Variants in NCAM1 observed in about 807,000 individuals in gnomAD.
NCAM1 encodes the protein neural cell adhesion molecule 1, also known as antigen recognized by monoclonal antibody 5.1H11.
A neutral mutation model predicts 109.8 loss-of-function variants in NCAM1; 14 were observed. The ratio of observed to expected loss-of-function variants is 0.13; its 90% CI spans 0.08 to 0.20. The LOEUF (loss-of-function observed/expected upper bound fraction) is 0.20. Ranked by LOEUF, NCAM1 falls within the 10% of genes least tolerant of loss-of-function variation. The pLI is 1.00. For missense variants in NCAM1, 774 were observed against 1,109.9 expected, an observed-to-expected ratio of 0.70 and a Z score of 4.30; for synonymous variants, 418 against 442.9, an observed-to-expected ratio of 0.94 and a Z score of 0.70.
rs151149712 is a variant in NCAM1 at position 113,149,194 on chromosome 11, G to C, written c.53-53185G>C. ...GGACCCGGGGTGGGGCCTGCCAGCT[G>C]GGGGGGCCTTCCTCCAAGACAAGGG... On this transcript the variant is annotated intron_variant, in intron 1 of 19. Transcript: ENST00000316851. Among the ~76,000 whole-genome samples, 817 of 152,216 alleles carry C rather than the reference G, an allele frequency of 5.4e-3. 2 individuals are homozygous for C. The highest frequency in any genetic ancestry group is 8.5e-3 in the Non-Finnish European group (578 of 67,982).
chr11:113,102,759 A>G (rs1230756943), intron 1 of NCAM1, among the ~76,000 whole-genome samples: 1 of 152,222 alleles, frequency 6.6e-6, no homozygotes, highest in Non-Finnish European at 1.5e-5. Context: ...AAAGCTGACC[A>G]TAGATTAGCA....
At chr11:113,037,498 C>T (rs1335183479) in intron 1 of NCAM1, among the ~76,000 whole-genome samples, 7 of 152,138 alleles carry the variant, frequency 4.6e-5, no homozygotes, top group African/African-American at 1.4e-4. Context: ...GGTATGGGAA[C>T]GTCTTAGCTG....
intron 1 of NCAM1, among the ~76,000 whole-genome samples, chr11:113,081,960 CATATACAA>C (rs1376173623): frequency 6.6e-6 from 1 of 152,150 alleles, no homozygotes; most frequent in African/African-American, 2.4e-5. Context: ...ATTTGTATGC[CATATACAA>C]ATATACACAC....
chr11:113,078,287 C>T (rs570946118), intron 1 of NCAM1, among the ~76,000 whole-genome samples: 38 of 152,268 alleles, frequency 2.5e-4, no homozygotes, highest in East Asian at 9.6e-4. Context: ...CTCCCTTCCC[C>T]TTTTCTTTAA....
intron 9 of NCAM1, chr11:113,221,778 T>A (rs1944700370): frequency 6.3e-6 from 1 of 158,110 alleles, no homozygotes; most frequent in African/African-American, 2.4e-5. Flanking sequence ...TAATGATCAG[T>A]CTTGGTAAAT....
chr11:113,181,702 G>A (rs1943339247), intron 1 of NCAM1, among the ~76,000 whole-genome samples: 1 of 151,884 alleles, frequency 6.6e-6, no homozygotes, highest in Admixed American at 6.6e-5. Context: ...AAAAAAGAGG[G>A]GGTGGTTACT....
At chr11:113,179,725 T>A (rs1289585475) in intron 1 of NCAM1, among the ~76,000 whole-genome samples, 2 of 152,226 alleles carry the variant, frequency 1.3e-5, no homozygotes, top group African/African-American at 4.8e-5. Flanking sequence ...TGGAAAGCAT[T>A]TCCAGCAAAC....
At chr11:113,032,645 C>T (rs1165420017) in intron 1 of NCAM1, among the ~76,000 whole-genome samples, 2 of 152,188 alleles carry the variant, frequency 1.3e-5, no homozygotes, top group Non-Finnish European at 2.9e-5. Flanking sequence ...CTTCCAGGAG[C>T]ACATAATGAT....
intron 1 of NCAM1, among the ~76,000 whole-genome samples, chr11:112,995,756 T>TA (rs1555071334): frequency 2.0e-5 from 3 of 152,200 alleles, no homozygotes; most frequent in African/African-American, 7.2e-5. Flanking sequence ...TTTAGGGAAT[T>TA]ATAGAGGAGT....
At chr11:113,157,786 A>G (rs1198614758) in intron 1 of NCAM1, among the ~76,000 whole-genome samples, 1 of 151,954 alleles carries the variant, frequency 6.6e-6, no homozygotes, top group African/African-American at 2.4e-5. Context: ...GCGCTTTTTT[A>G]TTTTTGCAAA....
intron 1 of NCAM1, among the ~76,000 whole-genome samples, chr11:113,020,512 T>C (rs1952350691): frequency 1.3e-5 from 2 of 152,198 alleles, no homozygotes; most frequent in Non-Finnish European, 2.9e-5. Flanking sequence ...TTATATATTT[T>C]GTTATATTTT....
chr11:113,260,382 C>T, intron 17 of NCAM1, 59 bp downstream of exon 17: 1 of 1,536,840 alleles, frequency 6.5e-7, no homozygotes, highest in Non-Finnish European at 8.8e-7. Flanking sequence ...AAGTGCTGCA[C>T]CTCCTAATGC....
At chr11:113,104,005 A>C (rs181793160) in intron 1 of NCAM1, among the ~76,000 whole-genome samples, 46 of 152,172 alleles carry the variant, frequency 3.0e-4, no homozygotes, top group African/African-American at 1.1e-3. Flanking sequence ...GGGCAGATTC[A>C]GCTGGGAAAC....
intron 1 of NCAM1, among the ~76,000 whole-genome samples, chr11:113,145,977 A>C (rs1419654265): frequency 6.6e-6 from 1 of 152,190 alleles, no homozygotes; most frequent in Non-Finnish European, 1.5e-5. Flanking sequence ...TTTTAATCAA[A>C]ATTGCTCATA....
intron 17 of NCAM1, chr11:113,264,064 G>A: frequency 1.0e-6 from 1 of 985,318 alleles, no homozygotes; most frequent in Non-Finnish European, 1.2e-6. Flanking sequence ...GTCCCTTGTG[G>A]AGACTCAGGG....
At chr11:113,177,709 C>T (rs11214532) in intron 1 of NCAM1, among the ~76,000 whole-genome samples, 19,310 of 152,136 alleles carry the variant, frequency 0.13, 1,354 homozygotes, top group East Asian at 0.27. Flanking sequence ...GCTGGGATTA[C>T]AGGCATGAGG....
rs60389510 is a variant in NCAM1 at position 113,199,829 on chromosome 11, T to TGAAAAAAAAAAAAAAAAAAA, written c.53-2550_53-2549insGAAAAAAAAAAAAAAAAAAA. Among the ~76,000 whole-genome samples, 41 of 115,770 alleles carry TGAAAAAAAAAAAAAAAAAAA rather than the reference T, an allele frequency of 3.5e-4. 1 individual carries two copies. The highest frequency in any genetic ancestry group is 1.3e-3 in the African/African-American group (38 of 29,350). 75.9% of individuals were successfully genotyped at this position (115,770 alleles called of 152,430 possible). A position where few individuals can be genotyped will look rare whatever the true frequency, so the allele number is the denominator to read the frequency against. ...GCAAATAAAGTAAAAGAAACACCCT[T>TGAAAAAAAAAAAAAAAAAAA]AAAAAAAAAAAAAAAAAAAACTTCT... On this transcript the variant is annotated intron_variant, in intron 1 of 19. Transcript: ENST00000316851.
At chr11:113,260,511 A>G (rs1296209338) in intron 17 of NCAM1, 188 bp downstream of exon 17, 13 of 601,560 alleles carry the variant, frequency 2.2e-5, no homozygotes, top group Admixed American at 3.6e-5. Context: ...CTGGACCCCC[A>G]GGAAGGCTTG....
chr11:112,994,164 G>T (rs1026512144), intron 1 of NCAM1, among the ~76,000 whole-genome samples: 1 of 152,156 alleles, frequency 6.6e-6, no homozygotes, highest in African/African-American at 2.4e-5. Flanking sequence ...TGCATTATTA[G>T]TCAATACATT....
Sources: gnomAD v4.1 joint callset for allele counts (sites outside exome capture counted in the v4.1 genomes callset) on GRCh38, gnomAD v4.1.1 for gene constraint, MANE v1.5 for transcripts, NCBI Gene and HGNC (gene_info 2026-07-23, HGNC 2026-07-21) for gene names.